Variants in TMEM71 observed in about 807,000 individuals in gnomAD.
The protein encoded by TMEM71 is transmembrane protein 71.
In TMEM71, 44 loss-of-function variants were observed where a neutral mutation model predicts 38.0. The ratio of observed to expected loss-of-function variants is 1.16; its 90% confidence interval spans 0.91 to 1.49. The LOEUF (loss-of-function observed/expected upper bound fraction) is 1.49. TMEM71 is among the 40% of genes most tolerant of loss of function. The pLI, the probability that TMEM71 is intolerant of heterozygous loss-of-function variation, is 0.00. For synonymous variants in TMEM71, 133 were observed against 122.5 expected, an observed-to-expected ratio of 1.09 and a Z score of -0.56; for missense variants, 367 against 348.6, an observed-to-expected ratio of 1.05 and a Z score of -0.42.
intron 1 of TMEM71, 36 bp downstream of exon 1, chr8:132,760,440 T>G (rs911836383): frequency 4.6e-5 from 7 of 152,226 alleles, no homozygotes; most frequent in Non-Finnish European, 1.0e-4. Flanking sequence ...TGTCAACAGG[T>G]GCAGAAGTCT....
At chr8:132,755,753 T>C (rs1263625582) in intron 3 of TMEM71, among the ~76,000 whole-genome samples, 3 of 152,204 alleles carry the variant, frequency 2.0e-5, no homozygotes, top group Admixed American at 6.5e-5. Context: ...TGTAATAAAA[T>C]ACTGTTTCAA....
the TMEM71 span, among the ~76,000 whole-genome samples, chr8:132,767,657 T>C: frequency 6.6e-6 from 1 of 152,080 alleles, no homozygotes; most frequent in Non-Finnish European, 1.5e-5. Flanking sequence ...TGTATTTTAG[T>C]AGAGACGGGG....
chr8:132,774,257 A>G, the TMEM71 span, among the ~76,000 whole-genome samples: 1 of 152,382 alleles, frequency 6.6e-6, no homozygotes, highest in African/African-American at 2.4e-5. Context: ...TTTCTCAAAC[A>G]TGGAAAGAGA....
At chr8:132,743,671 A>G (rs1485309617) in intron 5 of TMEM71, among the ~76,000 whole-genome samples, 1 of 152,168 alleles carries the variant, frequency 6.6e-6, no homozygotes. Context: ...AGGCCTCAGT[A>G]ACCACCTAGA....
At chr8:132,720,057 C>A (rs1051328804) in intron 7 of TMEM71, among the ~76,000 whole-genome samples, 1 of 151,432 alleles carries the variant, frequency 6.6e-6, no homozygotes. Context: ...TGCTATTTTT[C>A]TTTTGGCAGA....
chr8:132,765,363 C>G (rs1330589069), upstream of TMEM71, among the ~76,000 whole-genome samples: 2 of 152,132 alleles, frequency 1.3e-5, no homozygotes, highest in African/African-American at 4.8e-5. Context: ...AGCTCCAGTC[C>G]CTGCAGATCA....
intron 9 of TMEM71, among the ~76,000 whole-genome samples, chr8:132,711,589 C>T (rs536860262): frequency 1.3e-5 from 2 of 152,268 alleles, no homozygotes; most frequent in Admixed American, 6.5e-5. Context: ...GTGTGCAAAA[C>T]GTGTACCGCT....
chr8:132,752,855 G>T (rs1828798526), intron 3 of TMEM71, among the ~76,000 whole-genome samples: 1 of 147,946 alleles, frequency 6.8e-6, no homozygotes, highest in Non-Finnish European at 1.5e-5. Context: ...AAGGAAGGAA[G>T]GAAGGAAGGA....
intron 6 of TMEM71, among the ~76,000 whole-genome samples, chr8:132,724,333 A>G (rs909708975): frequency 3.3e-5 from 5 of 152,174 alleles, no homozygotes; most frequent in Non-Finnish European, 7.3e-5. Flanking sequence ...GGCATAGGAC[A>G]GACACTCCCA....
intron 7 of TMEM71, among the ~76,000 whole-genome samples, chr8:132,715,640 A>G (rs973037565): frequency 3.3e-5 from 5 of 152,156 alleles, no homozygotes; most frequent in Non-Finnish European, 7.3e-5. Flanking sequence ...GATTCTTTGT[A>G]GAAGCTTTAT....
intron 3 of TMEM71, 99 bp from the exon 4 acceptor site, chr8:132,752,096 A>C (rs1268058695): frequency 6.3e-5 from 61 of 961,770 alleles, no homozygotes; most frequent in Non-Finnish European, 8.5e-5. Flanking sequence ...ACATCTTTGC[A>C]TCCATGACTG....
intron 5 of TMEM71, among the ~76,000 whole-genome samples, chr8:132,733,859 G>C (rs1290930845): frequency 1.3e-5 from 2 of 152,166 alleles, no homozygotes; most frequent in African/African-American, 4.8e-5. Flanking sequence ...GCAAGAACAT[G>C]GATAAACCTG....
intron 7 of TMEM71, 114 bp downstream of exon 7, chr8:132,721,926 T>C (rs1038879298): frequency 2.1e-5 from 19 of 894,518 alleles, no homozygotes; most frequent in Non-Finnish European, 3.6e-5. Context: ...CATGAACGAA[T>C]CTCAACCACA....
At chr8:132,749,555 T>A (rs1828577703) in intron 4 of TMEM71, among the ~76,000 whole-genome samples, 1 of 152,172 alleles carries the variant, frequency 6.6e-6, no homozygotes. Flanking sequence ...TTCTTTCTAC[T>A]TTTACCAGTT....
chr8:132,715,422 A>AAAAAAAAAAAAAAAAAAAAAAAAAAAG (rs1826468386), intron 7 of TMEM71, among the ~76,000 whole-genome samples: 1 of 148,632 alleles, frequency 6.7e-6, no homozygotes, highest in Non-Finnish European at 1.5e-5. Flanking sequence ...AAAAAAAAAA[A>AAAAAAAAAAAAAAAAAAAAAAAAAAAG]AAAAAAAAAA....
chr8:132,756,411 TTATA>T (rs55767264), intron 3 of TMEM71, among the ~76,000 whole-genome samples: 6,547 of 115,668 alleles, frequency 0.057, 209 homozygotes, highest in African/African-American at 0.062. Flanking sequence ...AACATATATA[TTATA>T]TATATATATA....
the TMEM71 span, among the ~76,000 whole-genome samples, chr8:132,774,450 TTGAATAAAAAA>T: frequency 3.9e-5 from 6 of 152,218 alleles, no homozygotes; most frequent in Admixed American, 3.9e-4. Flanking sequence ...TGAATGTTTG[TTGAATAAAAAA>T]AGAATGATTG....
At chr8:132,768,928 C>T in the TMEM71 span, among the ~76,000 whole-genome samples, 1 of 152,270 alleles carries the variant, frequency 6.6e-6, no homozygotes, top group East Asian at 1.9e-4. Flanking sequence ...TGACCCTGCA[C>T]ATTCTTCCAC....
the TMEM71 span, among the ~76,000 whole-genome samples, chr8:132,773,552 A>AT: frequency 6.6e-6 from 1 of 152,118 alleles, no homozygotes; most frequent in African/African-American, 2.4e-5. Flanking sequence ...ATAGATATTT[A>AT]TTTTTTCTCA....
Sources: allele counts gnomAD v4.1 joint callset (sites outside exome capture counted in the v4.1 genomes callset), GRCh38; gene constraint gnomAD v4.1.1; transcripts MANE v1.5; gene names NCBI Gene and HGNC (gene_info 2026-07-23, HGNC 2026-07-21).